Variants in SLC24A2 observed in about 807,000 individuals in gnomAD.
The protein encoded by SLC24A2 is sodium/potassium/calcium exchanger 2.
Under a neutral mutation model 62.0 loss-of-function variants are expected in SLC24A2, and 36 were observed. The observed-to-expected ratio is 0.58, with a 90% CI of 0.44 to 0.77. SLC24A2 has a LOEUF of 0.77. Ranked by LOEUF, SLC24A2 falls within the 30% of genes least tolerant of loss-of-function variation. The pLI is 0.00. For missense variants in SLC24A2, 846 were observed against 817.9 expected (o/e 1.03, Z -0.42); for synonymous variants, 358 against 294.0 (o/e 1.22, Z -2.23).
the SLC24A2 span, among the ~76,000 whole-genome samples, chr9:19,807,423 G>T: frequency 6.6e-6 from 1 of 152,186 alleles, no homozygotes; most frequent in East Asian, 1.9e-4. Context: ...CATCCTTTAG[G>T]GAGAACTGAT....
chr9:19,877,366 CTATGGAGTTTGGCTCCA>C, the SLC24A2 span, among the ~76,000 whole-genome samples: 1 of 139,934 alleles, frequency 7.1e-6, no homozygotes. Flanking sequence ...GTAGGCTAAA[CTATGGAGTTTGGCTCCA>C]TAGTTTAGCC....
chr9:19,552,456 G>C (rs1179125300), intron 7 of SLC24A2, among the ~76,000 whole-genome samples: 1 of 152,148 alleles, frequency 6.6e-6, no homozygotes, highest in African/African-American at 2.4e-5. Flanking sequence ...CCCAGAAATA[G>C]GCATGGGAGC....
At chr9:19,987,209 G>T in the SLC24A2 span, among the ~76,000 whole-genome samples, 10 of 152,188 alleles carry the variant, frequency 6.6e-5, no homozygotes, top group African/African-American at 2.2e-4. Flanking sequence ...AGGGTTGGAG[G>T]TACCTGTGGA....
chr9:19,591,657 G>T (rs1053502988), intron 5 of SLC24A2, among the ~76,000 whole-genome samples: 9 of 152,296 alleles, frequency 5.9e-5, no homozygotes, highest in African/African-American at 2.2e-4. Flanking sequence ...CACCATCTTG[G>T]ACCATGAGGT....
At chr9:20,272,907 G>A in the SLC24A2 span, among the ~76,000 whole-genome samples, 3 of 152,182 alleles carry the variant, frequency 2.0e-5, no homozygotes, top group African/African-American at 7.2e-5. Flanking sequence ...CTTAGGTGTT[G>A]CAAGTAAAGG....
the SLC24A2 span, among the ~76,000 whole-genome samples, chr9:20,192,939 C>T: frequency 7.2e-5 from 11 of 152,114 alleles, no homozygotes; most frequent in African/African-American, 2.7e-4. Context: ...GTCTAAATCA[C>T]TTATATTAAA....
At chr9:19,979,158 T>G in the SLC24A2 span, among the ~76,000 whole-genome samples, 1 of 152,184 alleles carries the variant, frequency 6.6e-6, no homozygotes. Context: ...GAACCTGACA[T>G]GACAGCCTGT....
At chr9:19,931,876 C>T in the SLC24A2 span, among the ~76,000 whole-genome samples, 1 of 151,802 alleles carries the variant, frequency 6.6e-6, no homozygotes, top group Non-Finnish European at 1.5e-5. Context: ...ATTGAGTTGG[C>T]TATTTTACAT....
the SLC24A2 span, among the ~76,000 whole-genome samples, chr9:20,201,558 C>T: frequency 6.6e-6 from 1 of 152,090 alleles, no homozygotes; most frequent in African/African-American, 2.4e-5. Flanking sequence ...CATGTTACAA[C>T]CTGGAAGAGG....
chr9:19,640,687 T>C (rs995290498), intron 2 of SLC24A2, among the ~76,000 whole-genome samples: 1 of 152,252 alleles, frequency 6.6e-6, no homozygotes, highest in African/African-American at 2.4e-5. Context: ...AGACAGCTCT[T>C]ACCTTGCACT....
chr9:19,850,760 G>C, the SLC24A2 span, among the ~76,000 whole-genome samples: 2 of 150,966 alleles, frequency 1.3e-5, no homozygotes, highest in Admixed American at 6.6e-5. Flanking sequence ...GTAATATTAA[G>C]TTTTATCTAT....
chr9:19,988,961 C>T, the SLC24A2 span, among the ~76,000 whole-genome samples: 1 of 152,144 alleles, frequency 6.6e-6, no homozygotes, highest in Non-Finnish European at 1.5e-5. Flanking sequence ...TTTTAGGAAG[C>T]TAACTTTCTT....
intron 2 of SLC24A2, among the ~76,000 whole-genome samples, chr9:19,653,746 A>G (rs531680181): frequency 5.6e-4 from 86 of 152,304 alleles, no homozygotes; most frequent in Non-Finnish European, 1.1e-3. Context: ...TAGTAGTTGT[A>G]CATGGTATGT....
intron 2 of SLC24A2, among the ~76,000 whole-genome samples, chr9:19,767,460 C>T (rs10964278): frequency 0.35 from 53,131 of 152,086 alleles, 10,409 homozygotes; most frequent in Admixed American, 0.44. Flanking sequence ...TCCTGGTCTG[C>T]GGGTTGTGAA....
the SLC24A2 span, among the ~76,000 whole-genome samples, chr9:20,273,409 T>C: frequency 5.9e-5 from 9 of 152,206 alleles, no homozygotes; most frequent in African/African-American, 2.2e-4. Context: ...TTTGCCTCCA[T>C]GTCCCCACCC....
intron 4 of SLC24A2, among the ~76,000 whole-genome samples, chr9:19,614,518 G>T (rs917304548): frequency 1.3e-5 from 2 of 152,202 alleles, no homozygotes; most frequent in African/African-American, 4.8e-5. Flanking sequence ...CACATCCAAG[G>T]TGGTTTCACC....
At chr9:19,584,688 A>G (rs979250503) in intron 5 of SLC24A2, among the ~76,000 whole-genome samples, 1 of 152,138 alleles carries the variant, frequency 6.6e-6, no homozygotes, top group Non-Finnish European at 1.5e-5. Context: ...TTAGTTACAT[A>G]TGTATACATG....
the SLC24A2 span, among the ~76,000 whole-genome samples, chr9:20,216,480 C>G: frequency 2.0e-5 from 3 of 152,140 alleles, no homozygotes; most frequent in Non-Finnish European, 2.9e-5. Flanking sequence ...CTCTTACTGT[C>G]TTTATCAGAG....
chr9:19,962,392 C>G, the SLC24A2 span, among the ~76,000 whole-genome samples: 1 of 152,106 alleles, frequency 6.6e-6, no homozygotes, highest in Non-Finnish European at 1.5e-5. Flanking sequence ...TTTTCCAATT[C>G]TGTGAAGAAA....
Sources: gnomAD v4.1 joint callset for allele counts (sites outside exome capture counted in the v4.1 genomes callset) on GRCh38, gnomAD v4.1.1 for gene constraint, MANE v1.5 for transcripts, NCBI Gene and HGNC (gene_info 2026-07-23, HGNC 2026-07-21) for gene names.